The following MYT1L variants were observed in gnomAD, a reference collection of about 807,000 sequenced individuals.
MYT1L encodes myelin transcription factor 1-like protein.
Under a neutral mutation model 126.7 loss-of-function variants are expected in MYT1L, and 12 were observed. The observed-to-expected ratio is 0.09, with a 90% CI of 0.06 to 0.15. The LOEUF (loss-of-function observed/expected upper bound fraction) is 0.15, where lower values mean the gene tolerates loss of function less well. Among genes scored for constraint, MYT1L ranks in the 10% least tolerant of loss-of-function variants. MYT1L has a pLI of 1.00. For missense variants in MYT1L, 979 were observed against 1,585.2 expected (o/e 0.62, Z 6.49); for synonymous variants, 541 against 604.2 (o/e 0.90, Z 1.53).
At chr2:2,101,259 G>A (rs1208244628) in intron 3 of MYT1L, among the ~76,000 whole-genome samples, 1 of 151,976 alleles carries the variant, frequency 6.6e-6, no homozygotes, top group Non-Finnish European at 1.5e-5. Context: ...GATCTCACCA[G>A]CACTAACTCT....
intron 3 of MYT1L, among the ~76,000 whole-genome samples, chr2:2,160,988 G>A (rs1387928891): frequency 3.9e-5 from 6 of 152,098 alleles, no homozygotes; most frequent in South Asian, 2.1e-4. Context: ...AGGCCAAGGC[G>A]GGCGGATCAC....
At chr2:1,942,342 A>G (rs2056750336) in intron 9 of MYT1L, among the ~76,000 whole-genome samples, 1 of 152,188 alleles carries the variant, frequency 6.6e-6, no homozygotes, top group African/African-American at 2.4e-5. Flanking sequence ...CCCAACACAC[A>G]GCATGGCGGC....
chr2:1,922,249 T>C lies in MYT1L; in HGVS notation c.1483+37A>G, dbSNP rs1164210559. 18 of 1,598,086 alleles carry C rather than the reference T, an allele frequency of 1.1e-5. No homozygotes were observed. Among genetic ancestry groups the C allele is most frequent in the Non-Finnish European group, 1.5e-5 (18 of 1,170,684 alleles). On this transcript the variant is annotated intron_variant, in intron 10 of 24. Coordinates refer to ENST00000647738, the MANE Select transcript of MYT1L (RefSeq NM_001303052.2). The surrounding 1 kb of genome is among the most constrained non-coding windows in gnomAD (Gnocchi z 7.4). Reference sequence around the variant, plus strand: ...CCAACATCCTTTACCCTAGCTCATGTTTTCATGAGGCAACTTACGTTAGGT... The same window carrying C: ...CCAACATCCTTTACCCTAGCTCATGCTTTCATGAGGCAACTTACGTTAGGT...
At chr2:2,243,126 T>G (rs529941742) in intron 2 of MYT1L, among the ~76,000 whole-genome samples, 2 of 152,160 alleles carry the variant, frequency 1.3e-5, no homozygotes, top group African/African-American at 4.8e-5. Context: ...AGGGAGAGGC[T>G]GCCCTGAAGT....
intron 3 of MYT1L, among the ~76,000 whole-genome samples, chr2:2,077,842 GAA>G (rs2075387437): frequency 6.6e-6 from 1 of 152,114 alleles, no homozygotes; most frequent in African/African-American, 2.4e-5. Context: ...TGAAATGAAA[GAA>G]CACACAAAAC....
At chr2:1,854,774 T>C (rs150841525) in intron 18 of MYT1L, among the ~76,000 whole-genome samples, 97 of 152,282 alleles carry the variant, frequency 6.4e-4, no homozygotes, top group Non-Finnish European at 1.1e-3. Context: ...GGGGAAGCTG[T>C]TTGGCCCGAG....
At position 1,889,292 on chromosome 2, in the gene MYT1L, G is replaced by A. The variant is rs781222217; in HGVS notation, c.2469C>T (p.Tyr823=). ...CTATCCTCCGGGGTTTCATTTTGGT[G>A]TAGTCTACGGGCAAGTCCCAGCAGT... ...EGDCWDLPVD[Y]TKMKPRRIDE... is the part of the protein sequence containing the mutation. The change falls in exon 16 of 25, where the codon TAC becomes TAT. Residue 823 remains tyrosine (Y), a synonymous_variant. Transcript: ENST00000647738. The surrounding 1 kb of genome is among the most constrained non-coding windows in gnomAD (Gnocchi z 4.1). The A allele has an allele frequency of 1.2e-6, 2 of 1,613,962 alleles. No individual in the cohort carries two copies. The highest frequency in any genetic ancestry group is 1.1e-5 in the South Asian group (1 of 91,072).
At chr2:2,003,395 C>T (rs867354207) in intron 4 of MYT1L, among the ~76,000 whole-genome samples, 17 of 152,290 alleles carry the variant, frequency 1.1e-4, no homozygotes, top group African/African-American at 4.1e-4. Flanking sequence ...CCCAGGCCCC[C>T]AGTCCAGGTT....
chr2:1,945,909 GA>G (rs777059373), intron 8 of MYT1L, among the ~76,000 whole-genome samples: 1 of 152,172 alleles, frequency 6.6e-6, no homozygotes, highest in Non-Finnish European at 1.5e-5. Flanking sequence ...TAGCGAAAGG[GA>G]AGAGAAACAA....
intron 4 of MYT1L, among the ~76,000 whole-genome samples, chr2:2,025,721 G>A (rs1167782389): frequency 2.0e-5 from 3 of 152,164 alleles, no homozygotes; most frequent in African/African-American, 4.8e-5. Flanking sequence ...CTCGTTCACC[G>A]AAACACAATG....
chr2:2,052,566 T>C (rs1175309496), intron 4 of MYT1L, among the ~76,000 whole-genome samples: 2 of 152,128 alleles, frequency 1.3e-5, no homozygotes, highest in Non-Finnish European at 2.9e-5. Flanking sequence ...ATCTATAATA[T>C]ATAAGAATTC....
chr2:2,097,780 C>T (rs2059033), intron 3 of MYT1L, among the ~76,000 whole-genome samples: 2,957 of 152,130 alleles, frequency 0.019, 84 homozygotes, highest in African/African-American at 0.064. Flanking sequence ...ATCGGGTATA[C>T]GATGTAGTGT....
At chr2:2,069,758 G>A (rs929755856) in intron 3 of MYT1L, among the ~76,000 whole-genome samples, 2 of 151,668 alleles carry the variant, frequency 1.3e-5, no homozygotes, top group African/African-American at 2.4e-5. Context: ...TTAAATGATC[G>A]CCATTCTAAC....
intron 8 of MYT1L, among the ~76,000 whole-genome samples, chr2:1,967,006 T>C (rs77541555): frequency 1.3e-5 from 2 of 152,204 alleles, no homozygotes; most frequent in Non-Finnish European, 2.9e-5. Flanking sequence ...ACTTTTTTTC[T>C]TTTTTAAAAT....
Position 1,794,769 on chromosome 2 carries a change from G to A in MYT1L, c.3277-2305C>T, listed in dbSNP as rs181667537. 2.0e-5 allele frequency among the ~76,000 whole-genome samples: 3 copies of A among 152,300 alleles called. No homozygotes were observed. In the East Asian group the frequency reaches 5.8e-4, roughly 29 times the overall value. On this transcript the variant is annotated intron_variant, in intron 23 of 24. Transcript: ENST00000647738. Reference sequence around the variant, plus strand: ...CGGGTCTGTGGCTGGGATGGGGGTGGCGGGGCTCCCATGCTTATAAATGCT... The same window carrying A: ...CGGGTCTGTGGCTGGGATGGGGGTGACGGGGCTCCCATGCTTATAAATGCT...
At chr2:1,807,105 TGACAGGAGCAGCCTGGGA>T (rs1364829225) in intron 22 of MYT1L, among the ~76,000 whole-genome samples, 5 of 152,190 alleles carry the variant, frequency 3.3e-5, no homozygotes, top group South Asian at 2.1e-4. Context: ...AGGCAGAAAC[TGACAGGAGCAGCCTGGGA>T]GACAGGAGCA....
intron 5 of MYT1L, among the ~76,000 whole-genome samples, chr2:1,984,053 G>T (rs926444227): frequency 6.6e-6 from 1 of 152,180 alleles, no homozygotes; most frequent in Admixed American, 6.5e-5. Context: ...CAATAAAGCT[G>T]TCAGGAGTGA....
At chr2:1,981,249 A>G (rs1376616078) in intron 5 of MYT1L, among the ~76,000 whole-genome samples, 2 of 152,218 alleles carry the variant, frequency 1.3e-5, no homozygotes, top group African/African-American at 4.8e-5. Flanking sequence ...ACATGTAATA[A>G]AAACATAAGC....
chr2:2,123,949 C>T (rs1235923367), intron 3 of MYT1L, among the ~76,000 whole-genome samples: 1 of 152,188 alleles, frequency 6.6e-6, no homozygotes, highest in East Asian at 1.9e-4. Context: ...AGGGAACAGC[C>T]TCTCTTGGAG....
Sources: gnomAD v4.1 joint callset for allele counts (sites outside exome capture counted in the v4.1 genomes callset) on GRCh38, gnomAD v4.1.1 for gene constraint, Gnocchi (gnomAD v3.1) non-coding constraint, MANE v1.5 for transcripts, NCBI Gene and HGNC (gene_info 2026-07-23, HGNC 2026-07-21) for gene names.